SUPT3H: variants seen among roughly 807,000 people sequenced by gnomAD.
SUPT3H encodes transcription initiation protein SPT3 homolog.
In SUPT3H, 44 loss-of-function variants were observed where a neutral mutation model predicts 44.3. The observed-to-expected ratio is 0.99, with a 90% CI of 0.78 to 1.28. The LOEUF (loss-of-function observed/expected upper bound fraction) is 1.28. SUPT3H is among the 50% of genes most tolerant of loss of function. SUPT3H has a pLI of 0.00. For synonymous variants in SUPT3H, 124 were observed against 125.6 expected, an observed-to-expected ratio of 0.99 and a Z score of 0.09; for missense variants, 380 against 387.1, an observed-to-expected ratio of 0.98 and a Z score of 0.15.
At chr6:45,060,530 T>C (rs1037376420) in intron 3 of SUPT3H, among the ~76,000 whole-genome samples, 1 of 151,384 alleles carries the variant, frequency 6.6e-6, no homozygotes, top group Non-Finnish European at 1.5e-5. Context: ...GACACAGGCA[T>C]GGGCAAAGAT....
Position 45,101,584 on chromosome 6 carries a change from T to A in SUPT3H, c.186+4338A>T, listed in dbSNP as rs182385869. 8.0e-4 allele frequency among the ~76,000 whole-genome samples: 122 copies of A among 152,310 alleles called. 1 individual carries two copies. The highest frequency in any genetic ancestry group is 2.2e-3 in the African/African-American group (90 of 41,564). ...AATAATTTCTCGGGTTCCATAGCATTATGTAGTGACTATAATAGTAACAAT... is the reference window on the plus strand; with the variant it reads ...AATAATTTCTCGGGTTCCATAGCATAATGTAGTGACTATAATAGTAACAAT... On this transcript the variant is annotated intron_variant, in intron 3 of 10. Coordinates refer to ENST00000371459, the MANE Select transcript of SUPT3H (RefSeq NM_003599.4).
chr6:45,317,504 C>T (rs896004802), intron 2 of SUPT3H, among the ~76,000 whole-genome samples: 2 of 152,100 alleles, frequency 1.3e-5, no homozygotes, highest in East Asian at 1.9e-4. Flanking sequence ...CACACACTAA[C>T]GGAACAGAAC....
At chr6:44,871,117 C>A (rs965238504) in intron 10 of SUPT3H, among the ~76,000 whole-genome samples, 5 of 150,634 alleles carry the variant, frequency 3.3e-5, no homozygotes, top group African/African-American at 4.9e-5. Flanking sequence ...AAAAAGCAGC[C>A]GGGAAGCTCG....
intron 4 of SUPT3H, among the ~76,000 whole-genome samples, chr6:45,017,464 T>C (rs1241215775): frequency 6.6e-6 from 1 of 151,760 alleles, no homozygotes; most frequent in African/African-American, 2.4e-5. Context: ...TCTTCCAGGG[T>C]TTTTATGGTT....
At position 44,854,742 on chromosome 6, in the gene SUPT3H, G is replaced by A. The variant is rs915492534; in HGVS notation, c.913-24885C>T. 6.6e-5 allele frequency among the ~76,000 whole-genome samples: 10 copies of A among 152,212 alleles called. No individual in the cohort carries two copies. The East Asian group carries it at 1.7e-3, about 26-fold the overall frequency. ...GCCAGCATTTAAATGTATCTAAAAT[G>A]TGATTTTAAAATATTATTCATATGA... On this transcript the variant is annotated intron_variant, in intron 10 of 10. Coordinates refer to ENST00000371459, the MANE Select transcript of SUPT3H (RefSeq NM_003599.4).
At chr6:45,285,312 T>A (rs1779021123) in intron 2 of SUPT3H, among the ~76,000 whole-genome samples, 1 of 152,194 alleles carries the variant, frequency 6.6e-6, no homozygotes, top group Admixed American at 6.5e-5. Flanking sequence ...TGTCCCTGTC[T>A]GCAGATGACA....
At chr6:44,819,052 C>T (rs919020408) in intron 11 of SUPT3H, among the ~76,000 whole-genome samples, 27 of 152,006 alleles carry the variant, frequency 1.8e-4, no homozygotes, top group African/African-American at 5.6e-4. Flanking sequence ...TTAATAGCAA[C>T]GAAATGGAAA....
intron 9 of SUPT3H, among the ~76,000 whole-genome samples, chr6:44,950,562 T>C (rs981582672): frequency 1.1e-4 from 16 of 152,066 alleles, no homozygotes; most frequent in Admixed American, 9.8e-4. Flanking sequence ...TAGTGCACTA[T>C]GATCATGCCT....
intron 2 of SUPT3H, among the ~76,000 whole-genome samples, chr6:45,235,508 A>G (rs149663451): frequency 2.0e-4 from 30 of 149,590 alleles, no homozygotes; most frequent in Admixed American, 7.9e-4. Context: ...GGATATATAC[A>G]TGTGTGTGTG....
chr6:45,196,329 C>A (rs549043316), intron 2 of SUPT3H, among the ~76,000 whole-genome samples: 1 of 152,072 alleles, frequency 6.6e-6, no homozygotes, highest in South Asian at 2.1e-4. Flanking sequence ...CAGTCTACTG[C>A]AAACATAAAT....
intron 10 of SUPT3H, among the ~76,000 whole-genome samples, chr6:44,854,233 C>T (rs533267251): frequency 1.2e-3 from 183 of 152,022 alleles, no homozygotes; most frequent in African/African-American, 4.0e-3. Context: ...TTTTTTTTGT[C>T]TTGTTAACAG....
At chr6:45,313,328 C>A (rs953675031) in intron 2 of SUPT3H, among the ~76,000 whole-genome samples, 1 of 151,704 alleles carries the variant, frequency 6.6e-6, no homozygotes, top group African/African-American at 2.4e-5. Flanking sequence ...ACAAAAAATA[C>A]AGTACAAAAG....
At chr6:44,845,309 T>C (rs1453125407) in intron 10 of SUPT3H, among the ~76,000 whole-genome samples, 1 of 152,216 alleles carries the variant, frequency 6.6e-6, no homozygotes, top group Non-Finnish European at 1.5e-5. Context: ...AGCCATCCAT[T>C]CATAAGCTAT....
chr6:44,934,890 T>C (rs1330201856), intron 9 of SUPT3H, among the ~76,000 whole-genome samples: 2 of 152,224 alleles, frequency 1.3e-5, no homozygotes, highest in South Asian at 2.1e-4. Flanking sequence ...TAGAAAAATT[T>C]TGTGACTGCC....
At chr6:44,893,368 C>T (rs1763606118) in intron 10 of SUPT3H, among the ~76,000 whole-genome samples, 1 of 151,744 alleles carries the variant, frequency 6.6e-6, no homozygotes, top group African/African-American at 2.4e-5. Context: ...CCAATGCTAT[C>T]CCTCCCCCCT....
intron 10 of SUPT3H, among the ~76,000 whole-genome samples, chr6:44,852,926 T>C (rs1289897410): frequency 2.0e-5 from 3 of 152,208 alleles, no homozygotes; most frequent in East Asian, 3.9e-4. Context: ...TGCAGGAGGT[T>C]CCAGTCTACC....
At chr6:45,005,497 T>C (rs1782584742) in intron 5 of SUPT3H, among the ~76,000 whole-genome samples, 1 of 152,118 alleles carries the variant, frequency 6.6e-6, no homozygotes, top group South Asian at 2.1e-4. Context: ...CCCAGCACTT[T>C]GGGAGGCTGA....
intron 2 of SUPT3H, among the ~76,000 whole-genome samples, chr6:45,192,305 C>A (rs1481349057): frequency 2.0e-5 from 3 of 152,060 alleles, no homozygotes; most frequent in Non-Finnish European, 4.4e-5. Context: ...TAGGGAAATA[C>A]AATGTCTTCT....
intron 2 of SUPT3H, among the ~76,000 whole-genome samples, chr6:45,310,689 C>T (rs1306973242): frequency 6.6e-6 from 1 of 152,086 alleles, no homozygotes; most frequent in Non-Finnish European, 1.5e-5. Flanking sequence ...AACAATCAGG[C>T]AGTTTGGCTC....
Sources: allele counts gnomAD v4.1 joint callset (sites outside exome capture counted in the v4.1 genomes callset), GRCh38; gene constraint gnomAD v4.1.1; transcripts MANE v1.5; gene names NCBI Gene and HGNC (gene_info 2026-07-23, HGNC 2026-07-21).